COL4A3: variants seen among roughly 807,000 people sequenced by gnomAD.
COL4A3 encodes collagen alpha-3(IV) chain.
In COL4A3, 135 loss-of-function variants were observed where a neutral mutation model predicts 217.4. The observed-to-expected ratio is 0.62, with a 90% CI of 0.54 to 0.72. The LOEUF (loss-of-function observed/expected upper bound fraction) is 0.72, where lower values mean the gene tolerates loss of function less well. Among genes scored for constraint, COL4A3 ranks in the 30% least tolerant of loss-of-function variants. COL4A3 has a pLI of 0.00. For synonymous variants in COL4A3, 690 were observed against 736.3 expected, an observed-to-expected ratio of 0.94 and a Z score of 1.02; for missense variants, 1,868 against 2,119.9, an observed-to-expected ratio of 0.88 and a Z score of 2.33.
chr2:227,164,893 G>A lies in COL4A3; in HGVS notation c.87+80G>A, dbSNP rs1019823226. 7.2e-6 allele frequency: 10 copies of A among 1,383,286 alleles called. No individual in the cohort carries two copies. Among genetic ancestry groups the A allele is most frequent in the African/African-American group, 4.6e-5 (3 of 65,236 alleles). 85.7% of individuals were successfully genotyped at this position (1,383,286 alleles called of 1,614,324 possible). The stretch of plus-strand genomic sequence containing the variant: ...TCCGGGGGACGCGCTGGCCCCACCC[G>A]CAGCGGCGCGGTAGTGGAGCGGCTG... On this transcript the variant is annotated intron_variant, in intron 1 of 51. Transcript: ENST00000396578. The surrounding 1 kb of genome is among the most constrained non-coding windows in gnomAD (Gnocchi z 4.8).
At chr2:227,218,585 C>T (rs1358720004) in intron 1 of COL4A3, among the ~76,000 whole-genome samples, 1 of 152,222 alleles carries the variant, frequency 6.6e-6, no homozygotes. Flanking sequence ...TGTTTCTGTA[C>T]TCTTCCTTCC....
At chr2:227,181,869 T>C (rs972489854) in intron 1 of COL4A3, among the ~76,000 whole-genome samples, 3 of 152,200 alleles carry the variant, frequency 2.0e-5, no homozygotes, top group African/African-American at 7.2e-5. Flanking sequence ...TATAATTTTT[T>C]TATACTGCAA....
intron 1 of COL4A3, among the ~76,000 whole-genome samples, chr2:227,165,988 CAT>C (rs1375479751): frequency 6.6e-6 from 1 of 152,162 alleles, no homozygotes; most frequent in Non-Finnish European, 1.5e-5. Flanking sequence ...AACCCACAAA[CAT>C]ATATGTATGT....
intron 1 of COL4A3, among the ~76,000 whole-genome samples, chr2:227,223,821 T>G (rs1207325725): frequency 6.6e-6 from 1 of 152,226 alleles, no homozygotes; most frequent in African/African-American, 2.4e-5. Context: ...ATGATTTATC[T>G]CACTTATATC....
rs886055742 is a variant in COL4A3, at chr2:227,304,091, G to C, written c.4100G>C (p.Gly1367Ala). The change falls in exon 46 of 52, where the codon GGA becomes GCA. Residue 1367 changes from glycine (G) to alanine (A), a missense_variant. Gly to Ala is a moderately conservative substitution (Grantham distance 60). Transcript: ENST00000396578. ...PGSPGPPGTP[G>A]EPGMQGEPGP... is the part of the protein sequence containing the mutation. ...AGCCCAGGGCCACCTGGCACACCTG[G>C]AGAACCAGGGATGCAGGGAGAACCT... 12 of 1,614,076 alleles carry C rather than the reference G, an allele frequency of 7.4e-6. No homozygotes were observed. Among genetic ancestry groups the C allele is most frequent in the African/African-American group, 1.3e-5 (1 of 74,940 alleles).
At chr2:227,257,762 T>G in intron 18 of COL4A3, 118 bp downstream of exon 18, 1 of 961,826 alleles carries the variant, frequency 1.0e-6, no homozygotes, top group Non-Finnish European at 1.7e-6. Context: ...ACATTTACCT[T>G]GTTGTCAAAC....
intron 37 of COL4A3, among the ~76,000 whole-genome samples, chr2:227,291,225 A>T (rs1190015666): frequency 6.6e-6 from 1 of 152,154 alleles, no homozygotes; most frequent in Non-Finnish European, 1.5e-5. Flanking sequence ...TTTCTGCTGT[A>T]CTCATCTCAG....
intron 1 of COL4A3, among the ~76,000 whole-genome samples, chr2:227,172,158 C>A (rs1406152256): frequency 6.6e-6 from 1 of 152,208 alleles, no homozygotes; most frequent in East Asian, 1.9e-4. Flanking sequence ...CTCCTGAGAT[C>A]TTATCGGGAA....
intron 18 of COL4A3, among the ~76,000 whole-genome samples, chr2:227,258,438 G>A (rs1156660539): frequency 6.6e-6 from 1 of 152,194 alleles, no homozygotes; most frequent in African/African-American, 2.4e-5. Flanking sequence ...GTCTTAGTCT[G>A]TTCTTTGCTG....
At chr2:227,266,358 T>A in intron 21 of COL4A3, 59 bp from the exon 22 acceptor site, 2 of 1,225,346 alleles carry the variant, frequency 1.6e-6, no homozygotes, top group South Asian at 1.3e-5. Flanking sequence ...TATATTACAA[T>A]ACTTGCTAAT....
intron 33 of COL4A3, 151 bp downstream of exon 33, chr2:227,284,007 A>G (rs2072158310): frequency 1.0e-6 from 1 of 971,422 alleles, no homozygotes; most frequent in East Asian, 2.5e-5. Context: ...CCTTTTCTCC[A>G]TTTGAATGGA....
intron 11 of COL4A3, among the ~76,000 whole-genome samples, chr2:227,252,657 C>CTGG (rs2069847076): frequency 6.6e-6 from 1 of 151,618 alleles, no homozygotes; most frequent in Non-Finnish European, 1.5e-5. Flanking sequence ...TGGATAGGTT[C>CTGG]TGGTTAAGTG....
intron 20 of COL4A3, among the ~76,000 whole-genome samples, chr2:227,263,130 CAGA>C (rs1409172032): frequency 6.6e-6 from 1 of 152,144 alleles, no homozygotes; most frequent in African/African-American, 2.4e-5. Context: ...GGATGTCAAT[CAGA>C]AGATTTTATC....
intron 37 of COL4A3, chr2:227,291,187 GT>G: frequency 2.7e-6 from 1 of 376,990 alleles, no homozygotes; most frequent in Non-Finnish European, 5.0e-6. Context: ...AGGACAGTGG[GT>G]TTTTTCTTGT....
Position 227,282,680 on chromosome 2 carries a change from C to A in COL4A3, c.2656+148C>A, listed in dbSNP as rs934281648. 2.5e-6 allele frequency: 2 copies of A among 786,192 alleles called. No homozygotes were observed. Among genetic ancestry groups the A allele is most frequent in the Non-Finnish European group, 4.1e-6 (2 of 484,190 alleles). 48.7% of individuals were successfully genotyped at this position (786,192 alleles called of 1,614,324 possible). A position where few individuals can be genotyped will look rare whatever the true frequency, so the allele number is the denominator to read the frequency against. On this transcript the variant is annotated intron_variant, in intron 32 of 51. Coordinates refer to ENST00000396578, the MANE Select transcript of COL4A3 (RefSeq NM_000091.5). This position sits in a 1 kb window ranked among gnomAD's most constrained non-coding sequence, Gnocchi z 4.4. ...TAAATTATTTGTAAGAAACCAGGGG[C>A]CATGGTGCAGGGAAACGGTGGCGGC...
chr2:227,174,679 G>A (rs1033069928), intron 1 of COL4A3, among the ~76,000 whole-genome samples: 1 of 152,076 alleles, frequency 6.6e-6, no homozygotes, highest in African/African-American at 2.4e-5. Flanking sequence ...CCTAATTTTT[G>A]TATTTTTAGA....
At chr2:227,267,177 A>C in intron 23 of COL4A3, 89 bp downstream of exon 23, 3 of 929,130 alleles carry the variant, frequency 3.2e-6, no homozygotes, top group Non-Finnish European at 5.3e-6. Context: ...GGTGGATGTC[A>C]CAACGTGGTT....
rs532664440 is a variant in COL4A3 at position 227,291,512 on chromosome 2, G to A, written c.3210+626G>A. On this transcript the variant is annotated intron_variant, in intron 37 of 51. Coordinates refer to ENST00000396578, the MANE Select transcript of COL4A3 (RefSeq NM_000091.5). ...TGGGAGGCGGAGCTTGCAGTGAGCC[G>A]AGATCGCGCCACTGCACTCCAACCT... Among the ~76,000 whole-genome samples, 837 of 141,718 alleles carry A rather than the reference G, an allele frequency of 5.9e-3. 12 individuals are homozygous for A. Among genetic ancestry groups the A allele is most frequent in the African/African-American group, 0.022 (794 of 35,988 alleles). 93.0% of individuals were successfully genotyped at this position (141,718 alleles called of 152,430 possible).
At chr2:227,267,634 G>A (rs926536027) in intron 23 of COL4A3, among the ~76,000 whole-genome samples, 1 of 152,104 alleles carries the variant, frequency 6.6e-6, no homozygotes, top group African/African-American at 2.4e-5. Context: ...ACGGGCCAGC[G>A]GGCACTTGGC....
Sources: gnomAD v4.1 joint callset for allele counts (sites outside exome capture counted in the v4.1 genomes callset) on GRCh38, gnomAD v4.1.1 for gene constraint, Gnocchi (gnomAD v3.1) non-coding constraint, MANE v1.5 for transcripts, NCBI Gene and HGNC (gene_info 2026-07-23, HGNC 2026-07-21) for gene names.